Variants in PHACTR3 observed in about 807,000 individuals in gnomAD.
The protein encoded by PHACTR3 is phosphatase and actin regulator 3, also known as protein phosphatase 1, regulatory subunit 123.
PHACTR3 carries 16 observed loss-of-function variants against 66.8 expected under a neutral mutation model. That is an observed-to-expected ratio of 0.24 (90% CI 0.16 to 0.36). The LOEUF is 0.36. PHACTR3 is among the 10% of genes least tolerant of loss of function. The probability of loss-of-function intolerance (pLI) is 1.00; values close to 1 mark genes in which losing one functional copy is unlikely to be tolerated. For synonymous variants in PHACTR3, 323 were observed against 292.1 expected (o/e 1.11, Z -1.08); for missense variants, 647 against 719.9 (o/e 0.90, Z 1.16).
At chr20:59,717,804 T>A (rs2038148800) in intron 1 of PHACTR3, among the ~76,000 whole-genome samples, 1 of 152,216 alleles carries the variant, frequency 6.6e-6, no homozygotes, top group South Asian at 2.1e-4. Flanking sequence ...AAGTCTGAAG[T>A]CTAAGAAAAC....
intron 4 of PHACTR3, among the ~76,000 whole-genome samples, chr20:59,762,151 G>C (rs1202469574): frequency 6.6e-6 from 1 of 152,246 alleles, no homozygotes; most frequent in African/African-American, 2.4e-5. Context: ...CTAAGGATGT[G>C]AGGGTTCAGT....
chr20:59,663,332 G>A (rs1431947671), intron 1 of PHACTR3, among the ~76,000 whole-genome samples: 1 of 152,202 alleles, frequency 6.6e-6, no homozygotes, highest in Non-Finnish European at 1.5e-5. Flanking sequence ...ATTTGCTAAG[G>A]ATGGCTCCGG....
At chr20:59,817,159 A>G (rs1483478101) in intron 8 of PHACTR3, among the ~76,000 whole-genome samples, 5 of 152,264 alleles carry the variant, frequency 3.3e-5, no homozygotes, top group African/African-American at 1.2e-4. Context: ...CATTTAAGCA[A>G]TGATTCCATT....
At chr20:59,845,461 T>TCCTACCATACCATACCATAC (rs1176394074) in intron 12 of PHACTR3, among the ~76,000 whole-genome samples, 196 bp downstream of exon 12, 1 of 152,154 alleles carries the variant, frequency 6.6e-6, no homozygotes, top group African/African-American at 2.4e-5. Flanking sequence ...TGGTGAAAGG[T>TCCTACCATACCATACCATAC]GATATGTATG....
chr20:59,780,844 G>A (rs185763369), intron 7 of PHACTR3, among the ~76,000 whole-genome samples: 165 of 152,282 alleles, frequency 1.1e-3, no homozygotes, highest in African/African-American at 3.9e-3. Flanking sequence ...CCTTGTAAAT[G>A]GGGGTGACAA....
chr20:59,705,249 C>T (rs1320766931), intron 1 of PHACTR3, among the ~76,000 whole-genome samples: 5 of 152,228 alleles, frequency 3.3e-5, no homozygotes, highest in Admixed American at 2.6e-4. Context: ...TGAGCCACCA[C>T]TCCTGGCCAG....
In PHACTR3 at chr20:59,740,400, C is replaced by T. The variant is rs6027067; in HGVS notation, c.119-2707C>T. Among the ~76,000 whole-genome samples, 66 of 152,170 alleles carry T rather than the reference C, an allele frequency of 4.3e-4. No homozygotes were observed. In the East Asian group the frequency reaches 0.011, roughly 25 times the overall value. On this transcript the variant is annotated intron_variant, in intron 1 of 12. Transcript: ENST00000371015. ...CATAGCTCACTGCAGTCTTGACCTC[C>T]TAGGCTCAAGTGATCCTCCTGTCTC... is the stretch of plus-strand genomic sequence containing the variant.
chr20:59,644,326 T>G (rs1482453757), intron 1 of PHACTR3, among the ~76,000 whole-genome samples: 1 of 152,208 alleles, frequency 6.6e-6, no homozygotes, highest in African/African-American at 2.4e-5. Context: ...CAGTTTTGAA[T>G]TAACTTCTAT....
chr20:59,845,334 G>A lies in PHACTR3; in HGVS notation c.1664+69G>A, dbSNP rs555710616. ...CACACACCGCCTTCCCCCGTCCCCC[G>A]CCACAAACCATGTATCCAGCTATAC... On this transcript the variant is annotated intron_variant, in intron 12 of 12. Transcript: ENST00000371015. The A allele has an allele frequency of 1.3e-4, 129 of 971,268 alleles. No individual in the cohort carries two copies. In the African/African-American group the frequency reaches 1.7e-3, roughly 13 times the overall value. 60.2% of individuals were successfully genotyped at this position (971,268 alleles called of 1,614,324 possible). A position where few individuals can be genotyped will look rare whatever the true frequency, so the allele number is the denominator to read the frequency against.
chr20:59,773,453 G>A lies in PHACTR3; in HGVS notation c.926G>A (p.Ser309Asn). The A allele has an allele frequency of 6.2e-7, 1 of 1,605,482 alleles. No homozygotes were observed. Among genetic ancestry groups the A allele is most frequent in the Non-Finnish European group, 8.5e-7 (1 of 1,176,636 alleles). ...RALATKHRQD[S>N]FQGRESKGSP... ...CTGGCCACGAAGCACCGCCAGGACAGGTGAGGCCCTGCCCCATGAGGGAGA... is the reference window on the plus strand; with the variant it reads ...CTGGCCACGAAGCACCGCCAGGACAAGTGAGGCCCTGCCCCATGAGGGAGA... Residue 309 changes from serine (S) to asparagine (N), a missense_variant and splice_region_variant, in exon 6 of 13, where the codon AGT becomes AAT. This residue lies in a region of PHACTR3 where 577 missense variants were observed against 571.1 expected (regional missense o/e 1.01). Coordinates refer to ENST00000371015, the MANE Select transcript of PHACTR3 (RefSeq NM_080672.5).
intron 1 of PHACTR3, among the ~76,000 whole-genome samples, chr20:59,641,210 A>G (rs1641276309): frequency 6.6e-6 from 1 of 152,132 alleles, no homozygotes; most frequent in African/African-American, 2.4e-5. Context: ...TCATCTATCC[A>G]TTCATCCATC....
intron 1 of PHACTR3, among the ~76,000 whole-genome samples, chr20:59,595,346 C>T (rs534087941): frequency 3.2e-4 from 49 of 152,214 alleles, no homozygotes; most frequent in Non-Finnish European, 6.3e-4. Context: ...CCTGTAGTCC[C>T]GGCGAATCGG....
chr20:59,622,232 T>C (rs1008547130), intron 1 of PHACTR3, among the ~76,000 whole-genome samples: 1 of 152,008 alleles, frequency 6.6e-6, no homozygotes, highest in Non-Finnish European at 1.5e-5. Context: ...GCATCCCTCC[T>C]GCAGGGAGCT....
chr20:59,642,026 G>C (rs540663013), intron 1 of PHACTR3, among the ~76,000 whole-genome samples: 1 of 152,308 alleles, frequency 6.6e-6, no homozygotes, highest in South Asian at 2.1e-4. Context: ...TGGGGAGGGT[G>C]CAGACAACAT....
chr20:59,812,138 G>A (rs2041753678), intron 8 of PHACTR3, among the ~76,000 whole-genome samples: 1 of 152,232 alleles, frequency 6.6e-6, no homozygotes, highest in South Asian at 2.1e-4. Flanking sequence ...TGTTGATGGG[G>A]CTTGAGTGTC....
chr20:59,730,109 A>C (rs2038710788), intron 1 of PHACTR3, among the ~76,000 whole-genome samples: 1 of 152,168 alleles, frequency 6.6e-6, no homozygotes, highest in Admixed American at 6.5e-5. Flanking sequence ...CAGGGCCTGC[A>C]GAGGCTGCTG....
At chr20:59,671,356 G>A (rs1698389206) in intron 1 of PHACTR3, among the ~76,000 whole-genome samples, 1 of 152,190 alleles carries the variant, frequency 6.6e-6, no homozygotes, top group Admixed American at 6.5e-5. Flanking sequence ...CCAAAGTGAT[G>A]ATGCATTCTT....
Position 59,676,732 on chromosome 20 carries a change from G to A in PHACTR3, c.119-66375G>A, listed in dbSNP as rs554918689. 1.0e-5 allele frequency: 10 copies of A among 985,130 alleles called. No homozygotes were observed. In the African/African-American group the frequency reaches 1.6e-4, roughly 15 times the overall value. The allele number at this position is 985,130 out of a possible 1,614,324, so 61.0% of individuals were successfully genotyped here. A position where few individuals can be genotyped will look rare whatever the true frequency, so the allele number is the denominator to read the frequency against. ...GAGCAGGGGTTCTGGGGAAGATAAAGCCCTTCATCCAGGATCCCTCTGTGA... is the reference window on the plus strand; with the variant it reads ...GAGCAGGGGTTCTGGGGAAGATAAAACCCTTCATCCAGGATCCCTCTGTGA... On this transcript the variant is annotated intron_variant, in intron 1 of 12. Coordinates refer to ENST00000371015, the MANE Select transcript of PHACTR3 (RefSeq NM_080672.5).
In PHACTR3 at chr20:59,604,703, T is replaced by G; in HGVS notation, c.-312T>G. ...CAAGAAAAAGTTTTTATTTCCTGGT[T>G]CAACTTTTTTTTTTTTCCCTGGAAT... On this transcript the variant is annotated 5_prime_UTR_variant, in exon 1 of 13. Transcript: ENST00000371015. 1 of 1,035,034 alleles carries G rather than the reference T, an allele frequency of 9.7e-7. No homozygotes were observed. The highest frequency in any genetic ancestry group is 1.2e-6 in the Non-Finnish European group (1 of 866,150). 64.1% of individuals were successfully genotyped at this position (1,035,034 alleles called of 1,614,324 possible). A position where few individuals can be genotyped will look rare whatever the true frequency, so the allele number is the denominator to read the frequency against.
Sources: allele counts gnomAD v4.1 joint callset (sites outside exome capture counted in the v4.1 genomes callset), GRCh38; gene constraint gnomAD v4.1.1; regional missense constraint gnomAD v4.1.1; transcripts MANE v1.5; gene names NCBI Gene and HGNC (gene_info 2026-07-23, HGNC 2026-07-21).